The following CORO1B variants were observed in gnomAD, a reference collection of about 807,000 sequenced individuals.
The protein encoded by CORO1B is coronin-1B.
A neutral mutation model predicts 51.1 loss-of-function variants in CORO1B; 30 were observed. The observed-to-expected ratio is 0.59, with a 90% confidence interval of 0.44 to 0.80. The LOEUF is 0.80. Among genes scored for constraint, CORO1B ranks in the 30% least tolerant of loss-of-function variants. The probability of loss-of-function intolerance (pLI) is 0.00; values close to 1 mark genes in which losing one functional copy is unlikely to be tolerated. For missense variants in CORO1B, 648 were observed against 700.4 expected, an observed-to-expected ratio of 0.93 and a Z score of 0.84; for synonymous variants, 310 against 289.7, an observed-to-expected ratio of 1.07 and a Z score of -0.71.
chr11:67,442,723 G>A (rs1352530491), intron 1 of CORO1B, 93 bp from the exon 2 acceptor site: 10 of 1,317,400 alleles, frequency 7.6e-6, no homozygotes, highest in African/African-American at 4.3e-5. Flanking sequence ...GATGCAACCG[G>A]GGGCCAGGCC....
At position 67,438,804 on chromosome 11, in the gene CORO1B, A is replaced by G. The variant is rs1476604505; in HGVS notation, c.1211T>C (p.Leu404Pro). The G allele has an allele frequency of 9.3e-6, 15 of 1,606,038 alleles. No homozygotes were observed. The highest frequency in any genetic ancestry group is 6.7e-5 in the East Asian group (3 of 44,682). The change falls in exon 10 of 11, where the codon CTG becomes CCG. Residue 404 changes from leucine to proline, a missense_variant. Coordinates refer to ENST00000341356, the MANE Select transcript of CORO1B (RefSeq NM_020441.3). ...EAYVPSKQRD[L>P]KISRRNVLSD... is the part of the protein sequence containing the mutation. ...CAACACGTTGCGCCGGCTGATCTTCAGGTCCCGCTGCTTGCTGGGCACGTA... is the reference window on the plus strand; with the variant it reads ...CAACACGTTGCGCCGGCTGATCTTCGGGTCCCGCTGCTTGCTGGGCACGTA...
At chr11:67,439,898 C>CT in intron 8 of CORO1B, 55 bp from the exon 9 acceptor site, 1 of 1,520,138 alleles carries the variant, frequency 6.6e-7, no homozygotes, top group Middle Eastern at 1.8e-4. Context: ...CCCCACCCAC[C>CT]GCCAGCTCTC....
intron 8 of CORO1B, 71 bp from the exon 9 acceptor site, chr11:67,439,914 A>T: frequency 8.7e-6 from 11 of 1,258,690 alleles, no homozygotes; most frequent in Non-Finnish European, 7.5e-6. Flanking sequence ...CTCTCCTGGC[A>T]TCCTCCACTT....
chr11:67,439,921 A>G lies in CORO1B; in HGVS notation c.1008-78T>C, dbSNP rs1590986098. On this transcript the variant is annotated intron_variant, in intron 8 of 10. Transcript: ENST00000341356. ...ACCGCCAGCTCTCCTGGCATCCTCC[A>G]CTTCCAGTCCTCACCCCAGGACCTC... 7.5e-6 allele frequency: 10 copies of G among 1,337,618 alleles called. No homozygotes were observed. The East Asian group carries it at 2.5e-4, about 33-fold the overall frequency. 82.9% of individuals were successfully genotyped at this position (1,337,618 alleles called of 1,614,324 possible).
In CORO1B at chr11:67,436,304, C is replaced by A. The variant is rs1191851712; in HGVS notation, c.*2072G>T. 4 of 1,525,000 alleles carry A rather than the reference C, an allele frequency of 2.6e-6. No homozygotes were observed. The highest frequency in any genetic ancestry group is 3.5e-6 in the Non-Finnish European group (4 of 1,139,260). 94.5% of individuals were successfully genotyped at this position (1,525,000 alleles called of 1,614,324 possible). On this transcript the variant is annotated 3_prime_UTR_variant, in exon 11 of 11. Transcript: ENST00000341356. Reference sequence around the variant, plus strand: ...CGCGCTGCCACCCGAGCCCAAGGCCCCTGGCAGGGCCAGCAGCATCCCGAG... The same window carrying A: ...CGCGCTGCCACCCGAGCCCAAGGCCACTGGCAGGGCCAGCAGCATCCCGAG...
chr11:67,440,327 A>T lies in CORO1B; in HGVS notation c.861+8T>A. 1 of 1,613,326 alleles carries T rather than the reference A, an allele frequency of 6.2e-7. No individual in the cohort carries two copies. Among genetic ancestry groups the T allele is most frequent in the African/African-American group, 1.3e-5 (1 of 75,030 alleles). ...TCCCTGCCCCTCGCCAGCCCTGCCC[A>T]GCCCCACCTTGCCGCAGACGTAGAC... On this transcript the variant is annotated splice_region_variant and intron_variant, in intron 7 of 10. Coordinates refer to ENST00000341356, the MANE Select transcript of CORO1B (RefSeq NM_020441.3).
chr11:67,438,539 A>G (rs776587502), intron 10 of CORO1B, 38 bp from the exon 11 acceptor site: 12 of 1,582,290 alleles, frequency 7.6e-6, no homozygotes, highest in Non-Finnish European at 1.0e-5. Flanking sequence ...GGCGGTGGTC[A>G]GGGGCTGCTA....
rs1590983922 is a variant in CORO1B, at chr11:67,437,530, G to A, written c.*846C>T. On this transcript the variant is annotated 3_prime_UTR_variant, in exon 11 of 11. Coordinates refer to ENST00000341356, the MANE Select transcript of CORO1B (RefSeq NM_020441.3). ...ACCTCTTCCCTGGGGCCAATGTGGG[G>A]CCCTCCTTAGCTCCACAGGCCCAGA... The A allele has an allele frequency of 2.3e-6, 3 of 1,295,534 alleles. No homozygotes were observed. In the East Asian group the frequency reaches 8.4e-5, roughly 36 times the overall value. 80.3% of individuals were successfully genotyped at this position (1,295,534 alleles called of 1,614,324 possible).
At position 67,438,787 on chromosome 11, in the gene CORO1B, T is replaced by TGC; in HGVS notation, c.1226_1227dup (p.Asn410AlafsTer18). On this transcript the variant is annotated frameshift_variant, in exon 10 of 11. Coordinates refer to ENST00000341356, the MANE Select transcript of CORO1B (RefSeq NM_020441.3). LOFTEE classifies it high-confidence loss of function. ...GCGGGCCGGCTGTCAGACAACACGT[T>TGC]GCGCCGGCTGATCTTCAGGTCCCGC... 1.3e-6 allele frequency: 2 copies of TGC among 1,598,816 alleles called. No homozygotes were observed. The highest frequency in any genetic ancestry group is 1.7e-6 in the Non-Finnish European group (2 of 1,175,120).
At chr11:67,443,219 AC>A (rs1477253144) in intron 1 of CORO1B, among the ~76,000 whole-genome samples, 184 bp downstream of exon 1, 1 of 152,158 alleles carries the variant, frequency 6.6e-6, no homozygotes, top group African/African-American at 2.4e-5. Context: ...CAGGAGCCCA[AC>A]TTCCAGGGAC....
chr11:67,438,546 G>C (rs1864334168), intron 10 of CORO1B, 45 bp from the exon 11 acceptor site: 6 of 1,577,644 alleles, frequency 3.8e-6, no homozygotes, highest in Non-Finnish European at 5.2e-6. Context: ...GTCAGGGGCT[G>C]CTAAGCCATA....
At position 67,438,419 on chromosome 11, in the gene CORO1B, C is replaced by G; in HGVS notation, c.1427G>C (p.Arg476Pro). 1 of 1,610,662 alleles carries G rather than the reference C, an allele frequency of 6.2e-7. No individual in the cohort carries two copies. The highest frequency in any genetic ancestry group is 1.1e-5 in the South Asian group (1 of 91,024). Residue 476 changes from arginine to proline, a missense_variant, in exon 11 of 11, where the codon CGC becomes CCC. Coordinates refer to ENST00000341356, the MANE Select transcript of CORO1B (RefSeq NM_020441.3). ...CATGCGGCCCAGCTGCTCCTCCAGGCGGCAGATGCGGTCGCCCTGCTCCTT... is the reference window on the plus strand; with the variant it reads ...CATGCGGCCCAGCTGCTCCTCCAGGGGGCAGATGCGGTCGCCCTGCTCCTT... ...LVKEQGDRIC[R>P]LEEQLGRMEN...
chr11:67,441,287 G>A (rs1864388686), intron 5 of CORO1B, 43 bp from the exon 6 acceptor site: 7 of 1,612,870 alleles, frequency 4.3e-6, no homozygotes, highest in African/African-American at 1.3e-5. Context: ...CCTGCTCAAG[G>A]TCCTGGGCCT....
Position 67,436,728 on chromosome 11 carries a change from C to G in CORO1B, c.*1648G>C, listed in dbSNP as rs1864290938. 9.4e-6 allele frequency: 2 copies of G among 213,786 alleles called. No individual in the cohort carries two copies. Among genetic ancestry groups the G allele is most frequent in the South Asian group, 2.9e-4 (2 of 6,976 alleles). 13.2% of individuals were successfully genotyped at this position (213,786 alleles called of 1,614,324 possible). On this transcript the variant is annotated 3_prime_UTR_variant, in exon 11 of 11. Transcript: ENST00000341356. The stretch of plus-strand genomic sequence containing the variant: ...AGGCTGAACCTGACCTTAACCTCTA[C>G]CCTGATGTCTATCACTGCAGCCCAC...
Position 67,438,469 on chromosome 11 carries a change from C to T in CORO1B, c.1377G>A (p.Glu459=). The change falls in exon 11 of 11, where the codon GAG becomes GAA. Residue 459 remains glutamate (E), a synonymous_variant. Transcript: ENST00000341356. The stretch of plus-strand genomic sequence containing the variant: ...TGACCAGCGCCCTCAGGGCCCGCAG[C>T]TCCTGCATCACCTCCTCCAGCTTCC... The part of the protein sequence containing the change: ...EAGKLEEVMQ[E]LRALRALVKE... 6.2e-7 allele frequency: 1 copy of T among 1,610,680 alleles called. No individual in the cohort carries two copies. Among genetic ancestry groups the T allele is most frequent in the South Asian group, 1.1e-5 (1 of 91,002 alleles).
intron 6 of CORO1B, chr11:67,440,812 A>C (rs1005732075): frequency 1.5e-5 from 10 of 653,058 alleles, no homozygotes; most frequent in African/African-American, 1.2e-4. Flanking sequence ...CTGGAGGAGG[A>C]GGCTTTCTGG....
Position 67,439,858 on chromosome 11 carries a change from A to G in CORO1B, c.1008-15T>C. On this transcript the variant is annotated splice_polypyrimidine_tract_variant and intron_variant, in intron 8 of 10. Transcript: ENST00000341356. ...GTTTGTAGAACCTGGGGATGCAAGG[A>G]GGAGCCACGGGTGGAACCCTCACCG... is the stretch of plus-strand genomic sequence containing the variant. The G allele has an allele frequency of 6.4e-7, 1 of 1,566,724 alleles. No homozygotes were observed. Among genetic ancestry groups the G allele is most frequent in the Non-Finnish European group, 8.7e-7 (1 of 1,155,784 alleles).
intron 4 of CORO1B, 34 bp downstream of exon 4, chr11:67,441,696 TGGG>T: frequency 4.3e-6 from 4 of 941,016 alleles, no homozygotes; most frequent in Non-Finnish European, 5.7e-6. Flanking sequence ...GAGGGGTCCG[TGGG>T]GGGGGGGAGC....
Position 67,441,368 on chromosome 11 carries a change from G to T in CORO1B, c.601C>A (p.Arg201Ser), listed in dbSNP as rs372639222. Reference sequence around the variant, plus strand: ...GTGCCCCGACGGGGGTCGATGATGCGCACGCTCTTGTCCTTGCATGCTGAG... The same window carrying T: ...GTGCCCCGACGGGGGTCGATGATGCTCACGCTCTTGTCCTTGCATGCTGAG... ...FCSACKDKSV[R>S]IIDPRRGTLV... Residue 201 changes from arginine (R) to serine (S), a missense_variant, in exon 5 of 11, where the codon CGC becomes AGC. Arg to Ser is a moderately radical substitution (Grantham distance 110). Transcript: ENST00000341356. The T allele has an allele frequency of 1.9e-6, 3 of 1,613,578 alleles. No homozygotes were observed. The highest frequency in any genetic ancestry group is 2.5e-6 in the Non-Finnish European group (3 of 1,180,024).
Sources: allele counts gnomAD v4.1 joint callset (sites outside exome capture counted in the v4.1 genomes callset), GRCh38; gene constraint gnomAD v4.1.1; transcripts MANE v1.5; gene names NCBI Gene and HGNC (gene_info 2026-07-23, HGNC 2026-07-21).